Variants in PDE12 observed in about 807,000 individuals in gnomAD.
PDE12 encodes phosphodiesterase 12.
A neutral mutation model predicts 45.4 loss-of-function variants in PDE12; 26 were observed. The observed-to-expected ratio is 0.57, with a 90% CI of 0.42 to 0.79. The LOEUF (loss-of-function observed/expected upper bound fraction) is 0.79, where lower values mean the gene tolerates loss of function less well. Ranked by LOEUF, PDE12 falls within the 30% of genes least tolerant of loss-of-function variation. The pLI, the probability that PDE12 is intolerant of heterozygous loss-of-function variation, is 0.00. For missense variants in PDE12, 668 were observed against 790.0 expected, an observed-to-expected ratio of 0.85 and a Z score of 1.85; for synonymous variants, 283 against 323.9, an observed-to-expected ratio of 0.87 and a Z score of 1.36.
the PDE12 span, among the ~76,000 whole-genome samples, chr3:57,644,010 T>A: frequency 6.6e-6 from 1 of 151,010 alleles, no homozygotes; most frequent in African/African-American, 2.4e-5. Context: ...ATTAGCTGGG[T>A]GTGATAGTGT....
chr3:57,591,401 G>A, the PDE12 span, among the ~76,000 whole-genome samples: 432 of 148,374 alleles, frequency 2.9e-3, 1 homozygote, highest in African/African-American at 9.6e-3. Context: ...TTAATGAAAA[G>A]GAAAAAAAAA....
the PDE12 span, chr3:57,654,716 G>A: frequency 1.0e-6 from 1 of 984,634 alleles, no homozygotes; most frequent in South Asian, 4.7e-5. Context: ...CGTGGTCCAT[G>A]GAATAGACCT....
chr3:57,589,561 T>C, the PDE12 span, among the ~76,000 whole-genome samples: 6 of 147,566 alleles, frequency 4.1e-5, no homozygotes, highest in South Asian at 6.4e-4. Flanking sequence ...CTACTAAAAA[T>C]ACAAAAATTA....
the PDE12 span, chr3:57,598,134 A>G: frequency 1.3e-5 from 2 of 152,148 alleles, no homozygotes; most frequent in Non-Finnish European, 2.9e-5. Flanking sequence ...AGGAAGCGGA[A>G]AGCCTCTTCA....
chr3:57,563,957 G>A lies in PDE12; in HGVS notation c.*3953G>A, dbSNP rs2069753805. Reference sequence around the variant, plus strand: ...TTTTTAACAGCTTTAACTGACATGGGTAATATATAAGTTCTGTGTTCTCAC... The same window carrying A: ...TTTTTAACAGCTTTAACTGACATGGATAATATATAAGTTCTGTGTTCTCAC... On this transcript the variant is annotated 3_prime_UTR_variant, in exon 3 of 3. Coordinates refer to ENST00000311180, the MANE Select transcript of PDE12 (RefSeq NM_177966.7). 6.6e-6 allele frequency: 1 copy of A among 152,134 alleles called. No homozygotes were observed. The highest frequency in any genetic ancestry group is 1.5e-5 in the Non-Finnish European group (1 of 68,014). The allele number at this position is 152,134 out of a possible 1,614,324, so 9.4% of individuals were successfully genotyped here.
chr3:57,630,699 G>C, the PDE12 span: 2 of 1,606,760 alleles, frequency 1.2e-6, no homozygotes, highest in East Asian at 2.2e-5. Context: ...GTGTAAAACA[G>C]GGAAAAAAGA....
At chr3:57,597,950 G>C in the PDE12 span, 1 of 152,200 alleles carries the variant, frequency 6.6e-6, no homozygotes, top group African/African-American at 2.4e-5. Flanking sequence ...GCTAGGGCTA[G>C]ACGCTTCGAC....
the PDE12 span, among the ~76,000 whole-genome samples, chr3:57,643,642 C>T: frequency 6.6e-6 from 1 of 151,226 alleles, no homozygotes; most frequent in African/African-American, 2.4e-5. Flanking sequence ...GTCTGGCCAA[C>T]ATGATGAAAC....
chr3:57,620,892 T>C, the PDE12 span, among the ~76,000 whole-genome samples: 5 of 152,152 alleles, frequency 3.3e-5, no homozygotes, highest in South Asian at 2.1e-4. Flanking sequence ...AATTATTCAG[T>C]TCTCCCTCAA....
Position 57,560,830 on chromosome 3 carries a change from A to G in PDE12, c.*826A>G, listed in dbSNP as rs549824463. 2.6e-5 allele frequency: 26 copies of G among 985,342 alleles called. No individual in the cohort carries two copies. The South Asian group carries it at 7.1e-4, about 27-fold the overall frequency. The allele number at this position is 985,342 out of a possible 1,614,324, so 61.0% of individuals were successfully genotyped here. A position where few individuals can be genotyped will look rare whatever the true frequency, so the allele number is the denominator to read the frequency against. Reference sequence around the variant, plus strand: ...AGAGACCTAAGGTGAGAGACTTGACACATGGAAGGAGTAACATTAGGGTCT... The same window carrying G: ...AGAGACCTAAGGTGAGAGACTTGACGCATGGAAGGAGTAACATTAGGGTCT... On this transcript the variant is annotated 3_prime_UTR_variant, in exon 3 of 3. Transcript: ENST00000311180.
the PDE12 span, among the ~76,000 whole-genome samples, chr3:57,614,543 TG>T: frequency 2.1e-3 from 262 of 122,170 alleles, 5 homozygotes; most frequent in East Asian, 8.1e-3. Context: ...TTTTGTTTTT[TG>T]TTTTTTTTTT....
At chr3:57,621,731 TAA>T in the PDE12 span, among the ~76,000 whole-genome samples, 1 of 149,178 alleles carries the variant, frequency 6.7e-6, no homozygotes, top group South Asian at 2.1e-4. Context: ...ACACAACACT[TAA>T]AAGAACAAAT....
At chr3:57,558,943 C>T (rs1390005962) in intron 1 of PDE12, among the ~76,000 whole-genome samples, 4 of 151,458 alleles carry the variant, frequency 2.6e-5, no homozygotes, top group Admixed American at 1.3e-4. Flanking sequence ...AAAAACAGGC[C>T]GGGCCTGGTG....
In PDE12 at chr3:57,562,478, T is replaced by C. The variant is rs2069738073; in HGVS notation, c.*2474T>C. The C allele has an allele frequency of 6.6e-6, 1 of 152,218 alleles. No individual in the cohort carries two copies. The highest frequency in any genetic ancestry group is 1.9e-4 in the East Asian group (1 of 5,206). 9.4% of individuals were successfully genotyped at this position (152,218 alleles called of 1,614,324 possible). On this transcript the variant is annotated 3_prime_UTR_variant, in exon 3 of 3. Coordinates refer to ENST00000311180, the MANE Select transcript of PDE12 (RefSeq NM_177966.7). ...GAAAATGTATAAATAGCATACACAT[T>C]TCTTTGTACTCATGAGTTAGAATGC...
At chr3:57,623,857 T>C in the PDE12 span, among the ~76,000 whole-genome samples, 2 of 152,042 alleles carry the variant, frequency 1.3e-5, no homozygotes, top group South Asian at 4.1e-4. Flanking sequence ...TTCTAACAGT[T>C]AACACAGAAA....
the PDE12 span, among the ~76,000 whole-genome samples, chr3:57,606,675 A>G: frequency 6.6e-6 from 1 of 152,226 alleles, no homozygotes; most frequent in South Asian, 2.1e-4. Context: ...GAACTATAAT[A>G]TAAAGACTGG....
chr3:57,559,493 GTA>G, intron 2 of PDE12, 67 bp from the exon 3 acceptor site: 1 of 1,554,890 alleles, frequency 6.4e-7, no homozygotes, highest in South Asian at 1.2e-5. Context: ...TGTAATTTGT[GTA>G]GTTTTTCTTT....
the PDE12 span, among the ~76,000 whole-genome samples, chr3:57,643,974 C>A: frequency 6.6e-6 from 1 of 151,416 alleles, no homozygotes; most frequent in African/African-American, 2.4e-5. Context: ...TATAGTGAAA[C>A]CCTGTCTCTA....
chr3:57,653,155 TC>T, the PDE12 span, among the ~76,000 whole-genome samples: 1 of 152,314 alleles, frequency 6.6e-6, no homozygotes, highest in Non-Finnish European at 1.5e-5. Context: ...TTACTACTTT[TC>T]TGTTGGTTTG....
Sources: gnomAD v4.1 joint callset for allele counts (sites outside exome capture counted in the v4.1 genomes callset) on GRCh38, gnomAD v4.1.1 for gene constraint, MANE v1.5 for transcripts, NCBI Gene and HGNC (gene_info 2026-07-23, HGNC 2026-07-21) for gene names.